Variants in DGKG observed in about 807,000 individuals in gnomAD.
The protein encoded by DGKG is diacylglycerol kinase gamma.
A neutral mutation model predicts 105.3 loss-of-function variants in DGKG; 78 were observed. That is an observed-to-expected ratio of 0.74 (90% CI 0.62 to 0.89). The LOEUF (loss-of-function observed/expected upper bound fraction) is 0.89. Among genes scored for constraint, DGKG ranks in the 40% least tolerant of loss-of-function variants. DGKG has a pLI of 0.00. For missense variants in DGKG, 958 were observed against 1,020.1 expected, an observed-to-expected ratio of 0.94 and a Z score of 0.83; for synonymous variants, 346 against 367.1, an observed-to-expected ratio of 0.94 and a Z score of 0.66.
intron 24 of DGKG, among the ~76,000 whole-genome samples, chr3:186,151,966 C>G (rs1715781960): frequency 6.6e-6 from 1 of 152,106 alleles, no homozygotes. Flanking sequence ...GTAATCCCAG[C>G]TACGTGGGAG....
At chr3:186,163,774 T>C (rs1358152078) in intron 23 of DGKG, among the ~76,000 whole-genome samples, 1 of 152,068 alleles carries the variant, frequency 6.6e-6, no homozygotes, top group Non-Finnish European at 1.5e-5. Context: ...ATCAGGATGT[T>C]CTGTTCTCTG....
At position 186,355,297 on chromosome 3, in the gene DGKG, T is replaced by C. The variant is rs1213115386; in HGVS notation, c.-249+6649A>G. Reference sequence around the variant, plus strand: ...ACCAGCACGATCATCATCACCACCATTATTGTCACCCCCCACCACCACTAC... The same window carrying C: ...ACCAGCACGATCATCATCACCACCACTATTGTCACCCCCCACCACCACTAC... On this transcript the variant is annotated intron_variant, in intron 1 of 24. Coordinates refer to ENST00000265022, the MANE Select transcript of DGKG (RefSeq NM_001346.3). 2.8e-3 allele frequency among the ~76,000 whole-genome samples: 69 copies of C among 24,786 alleles called. No homozygotes were observed. The East Asian group carries it at 0.029, about 10-fold the overall frequency. 16.3% of individuals were successfully genotyped at this position (24,786 alleles called of 152,430 possible).
intron 24 of DGKG, among the ~76,000 whole-genome samples, chr3:186,154,238 G>A (rs1715917134): frequency 6.6e-6 from 1 of 152,256 alleles, no homozygotes; most frequent in Non-Finnish European, 1.5e-5. Flanking sequence ...GTGAGCCTAA[G>A]GGAGGAGGAA....
intron 1 of DGKG, among the ~76,000 whole-genome samples, chr3:186,323,857 A>G (rs1330799418): frequency 6.6e-6 from 1 of 151,362 alleles, no homozygotes; most frequent in Non-Finnish European, 1.5e-5. Flanking sequence ...GAATGGTTTG[A>G]ACCCAGGATG....
At chr3:186,230,520 A>C (rs1720100708) in intron 20 of DGKG, among the ~76,000 whole-genome samples, 1 of 152,082 alleles carries the variant, frequency 6.6e-6, no homozygotes, top group African/African-American at 2.4e-5. Context: ...GTGTTTGAGG[A>C]GGAGAATGTT....
At chr3:186,208,125 T>G (rs1718842962) in intron 21 of DGKG, among the ~76,000 whole-genome samples, 1 of 152,066 alleles carries the variant, frequency 6.6e-6, no homozygotes, top group South Asian at 2.1e-4. Context: ...CACTGCAACC[T>G]CTGCCTCCCA....
At chr3:186,357,422 A>G (rs79596460) in intron 1 of DGKG, among the ~76,000 whole-genome samples, 1 of 151,936 alleles carries the variant, frequency 6.6e-6, no homozygotes, top group Admixed American at 6.5e-5. Context: ...CAAGAAAAAA[A>G]GAGAAGATAA....
intron 20 of DGKG, 131 bp from the exon 21 acceptor site, chr3:186,212,016 A>C (rs1719061869): frequency 5.9e-6 from 4 of 679,112 alleles, no homozygotes; most frequent in Non-Finnish European, 1.0e-5. Flanking sequence ...AGCACTTGTT[A>C]ATCAGATGAT....
At chr3:186,165,114 G>A in intron 22 of DGKG, 96 bp from the exon 23 acceptor site, 1 of 1,375,002 alleles carries the variant, frequency 7.3e-7, no homozygotes, top group Non-Finnish European at 9.8e-7. Flanking sequence ...GCCAATGTCT[G>A]TATCCCTTCA....
At chr3:186,299,761 TCTTTTC>T (rs1298725881) in intron 3 of DGKG, among the ~76,000 whole-genome samples, 1 of 144,738 alleles carries the variant, frequency 6.9e-6, no homozygotes, top group African/African-American at 2.6e-5. Flanking sequence ...CTTTTTTTCT[TCTTTTC>T]TCTTTCTTTC....
intron 21 of DGKG, among the ~76,000 whole-genome samples, chr3:186,194,869 C>T (rs923251646): frequency 1.4e-5 from 2 of 146,306 alleles, no homozygotes; most frequent in East Asian, 4.1e-4. Context: ...TTTGGGAGGC[C>T]GAGGCAGTTG....
chr3:186,352,116 G>C (rs553791487), intron 1 of DGKG, among the ~76,000 whole-genome samples: 1 of 152,196 alleles, frequency 6.6e-6, no homozygotes, highest in Non-Finnish European at 1.5e-5. Context: ...ATGTTAAACA[G>C]ACTTGAGAAC....
At chr3:186,353,443 TG>T (rs1322718184) in intron 1 of DGKG, among the ~76,000 whole-genome samples, 1 of 151,690 alleles carries the variant, frequency 6.6e-6, no homozygotes, top group Non-Finnish European at 1.5e-5. Flanking sequence ...TCCTTGAACC[TG>T]GGACGCAGAG....
chr3:186,169,710 C>A (rs1716730138), intron 22 of DGKG, among the ~76,000 whole-genome samples: 2 of 152,364 alleles, frequency 1.3e-5, no homozygotes, highest in South Asian at 4.1e-4. Context: ...GTGTCATCAA[C>A]TTCCACAAGT....
intron 20 of DGKG, among the ~76,000 whole-genome samples, chr3:186,227,685 A>G (rs1719921095): frequency 2.0e-5 from 3 of 152,342 alleles, no homozygotes; most frequent in South Asian, 4.1e-4. Context: ...AACGTTTTTT[A>G]GTAAATGTTG....
rs73887768 is a variant in DGKG, at chr3:186,161,283, T to C, written c.2277+320A>G. 3.1e-3 allele frequency: 3,383 copies of C among 1,103,870 alleles called. 92 individuals carry two copies. The African/African-American group carries it at 0.052, about 17-fold the overall frequency. The allele number at this position is 1,103,870 out of a possible 1,614,324, so 68.4% of individuals were successfully genotyped here. A position where few individuals can be genotyped will look rare whatever the true frequency, so the allele number is the denominator to read the frequency against. ...GGTAGTAAATTCCTTGCCATTGACA[T>C]GATTCAAGCTGAGGCTGTCCAGGAT... On this transcript the variant is annotated intron_variant, in intron 24 of 24. Transcript: ENST00000265022.
chr3:186,194,924 C>A (rs1186488642), intron 21 of DGKG, among the ~76,000 whole-genome samples: 1 of 151,328 alleles, frequency 6.6e-6, no homozygotes, highest in Non-Finnish European at 1.5e-5. Context: ...GCCAACATGG[C>A]GAAACCCTGT....
At chr3:186,258,034 T>C (rs1721569056) in intron 16 of DGKG, 95 bp from the exon 17 acceptor site, 2 of 911,116 alleles carry the variant, frequency 2.2e-6, no homozygotes, top group Admixed American at 1.9e-5. Context: ...TCCCCAGGAG[T>C]ATGTTAAGAC....
intron 14 of DGKG, among the ~76,000 whole-genome samples, chr3:186,262,186 C>T (rs958298247): frequency 3.9e-5 from 6 of 152,146 alleles, no homozygotes; most frequent in African/African-American, 1.2e-4. Context: ...TCCACCCTGG[C>T]GCCTTCCAAA....
Sources: gnomAD v4.1 joint callset for allele counts (sites outside exome capture counted in the v4.1 genomes callset) on GRCh38, gnomAD v4.1.1 for gene constraint, MANE v1.5 for transcripts, NCBI Gene and HGNC (gene_info 2026-07-23, HGNC 2026-07-21) for gene names.